The following TASP1 variants were observed in gnomAD, a reference collection of about 807,000 sequenced individuals.
TASP1 encodes taspase 1.
Under a neutral mutation model 56.6 loss-of-function variants are expected in TASP1, and 16 were observed. The ratio of observed to expected loss-of-function variants is 0.28; its 90% CI spans 0.19 to 0.43. The LOEUF (loss-of-function observed/expected upper bound fraction) is 0.43, where lower values mean the gene tolerates loss of function less well. Among genes scored for constraint, TASP1 ranks in the 20% least tolerant of loss-of-function variants. The pLI, the probability that TASP1 is intolerant of heterozygous loss-of-function variation, is 1.00. For missense variants in TASP1, 393 were observed against 511.6 expected (o/e 0.77, Z 2.24); for synonymous variants, 179 against 184.2 (o/e 0.97, Z 0.23).
At position 13,417,516 on chromosome 20, in the gene TASP1, A is replaced by T. The variant is rs374350452; in HGVS notation, c.1102T>A (p.Phe368Ile). The change falls in exon 13 of 14, where the codon TTT becomes ATT. Residue 368 changes from phenylalanine to isoleucine, a missense_variant. Physicochemically the swap from Phe to Ile is conservative, Grantham distance 21. Coordinates refer to ENST00000337743, the MANE Select transcript of TASP1 (RefSeq NM_017714.3). ...SQNKQTLLVE[F>I]LWSHTTESMC... ...CTCTCCGTCGTGTGGCTCCACAGAA[A>T]TTCCACTGCCATAAAAGAGAACACA... 6.2e-7 allele frequency: 1 copy of T among 1,614,018 alleles called. No individual in the cohort carries two copies. Among genetic ancestry groups the T allele is most frequent in the Non-Finnish European group, 8.5e-7 (1 of 1,180,004 alleles).
the TASP1 span, among the ~76,000 whole-genome samples, chr20:13,362,219 T>G: frequency 2.7e-5 from 4 of 150,738 alleles, no homozygotes; most frequent in Non-Finnish European, 2.9e-5. Flanking sequence ...ATTTTTCTTA[T>G]TAATATAAGA....
the TASP1 span, among the ~76,000 whole-genome samples, chr20:13,252,893 A>G: frequency 1.3e-5 from 2 of 152,122 alleles, no homozygotes; most frequent in African/African-American, 4.8e-5. Flanking sequence ...ACTGACAGAT[A>G]ATTTCTCCTC....
At chr20:13,569,075 T>A (rs577048770) in intron 7 of TASP1, among the ~76,000 whole-genome samples, 1 of 152,136 alleles carries the variant, frequency 6.6e-6, no homozygotes, top group African/African-American at 2.4e-5. Context: ...TTGTGATAAC[T>A]GTTTTTCAGT....
chr20:13,188,104 G>C, the TASP1 span, among the ~76,000 whole-genome samples: 1 of 152,084 alleles, frequency 6.6e-6, no homozygotes, highest in African/African-American at 2.4e-5. Context: ...TCAGATCAAA[G>C]GAGGAAAAAT....
chr20:13,455,288 C>T (rs1357330777), intron 11 of TASP1, among the ~76,000 whole-genome samples: 1 of 152,096 alleles, frequency 6.6e-6, no homozygotes, highest in Non-Finnish European at 1.5e-5. Flanking sequence ...AGAATTAATA[C>T]AGGGGGTCTT....
At chr20:13,431,439 G>C (rs1019614119) in intron 12 of TASP1, among the ~76,000 whole-genome samples, 1 of 152,154 alleles carries the variant, frequency 6.6e-6, no homozygotes, top group African/African-American at 2.4e-5. Context: ...TGCTTCTAGG[G>C]TATGCAGTGA....
intron 11 of TASP1, among the ~76,000 whole-genome samples, chr20:13,475,206 T>C (rs1024552055): frequency 1.3e-5 from 2 of 152,172 alleles, no homozygotes; most frequent in African/African-American, 4.8e-5. Flanking sequence ...GTATAATTAA[T>C]GTTTGATTTT....
At chr20:13,545,654 TAA>T (rs67355680) in intron 8 of TASP1, among the ~76,000 whole-genome samples, 5 of 152,132 alleles carry the variant, frequency 3.3e-5, no homozygotes, top group Admixed American at 2.6e-4. Flanking sequence ...CATTTTTTTT[TAA>T]AATATCTTAC....
chr20:13,195,163 A>G, the TASP1 span, among the ~76,000 whole-genome samples: 1 of 152,172 alleles, frequency 6.6e-6, no homozygotes, highest in East Asian at 1.9e-4. Context: ...AAAAACCACA[A>G]TTACTTTTGC....
the TASP1 span, among the ~76,000 whole-genome samples, chr20:13,233,683 C>T: frequency 6.6e-6 from 1 of 151,718 alleles, no homozygotes; most frequent in Non-Finnish European, 1.5e-5. Flanking sequence ...ACCTTCTGGG[C>T]ACATGGGACA....
the TASP1 span, among the ~76,000 whole-genome samples, chr20:13,342,746 T>G: frequency 6.6e-6 from 1 of 152,296 alleles, no homozygotes; most frequent in Non-Finnish European, 1.5e-5. Flanking sequence ...GCAAAGGGCC[T>G]TGGAGTGCCT....
the TASP1 span, among the ~76,000 whole-genome samples, chr20:13,147,819 G>A: frequency 1.1e-4 from 16 of 152,314 alleles, no homozygotes; most frequent in Admixed American, 7.8e-4. Context: ...TTGAAGGAGG[G>A]AATGAGCTGG....
the TASP1 span, among the ~76,000 whole-genome samples, chr20:13,319,394 A>G: frequency 2.0e-5 from 3 of 152,184 alleles, no homozygotes; most frequent in African/African-American, 7.2e-5. Context: ...CAGAGCTCAG[A>G]GACACAGGAC....
chr20:13,615,037 A>C (rs1249224724), intron 4 of TASP1, among the ~76,000 whole-genome samples: 1 of 152,184 alleles, frequency 6.6e-6, no homozygotes, highest in Non-Finnish European at 1.5e-5. Context: ...GAATTATAAT[A>C]ATTTAAACCA....
intron 11 of TASP1, among the ~76,000 whole-genome samples, chr20:13,478,480 A>C (rs959116256): frequency 1.9e-4 from 29 of 152,190 alleles, no homozygotes; most frequent in Admixed American, 1.3e-4. Flanking sequence ...ACAGGAAGTC[A>C]AATACCAAAT....
At chr20:13,351,512 G>A in the TASP1 span, among the ~76,000 whole-genome samples, 19 of 152,192 alleles carry the variant, frequency 1.2e-4, no homozygotes, top group Admixed American at 7.9e-4. Context: ...AAAGGCATTC[G>A]CTGCATAAAA....
chr20:13,207,377 G>A, the TASP1 span, among the ~76,000 whole-genome samples: 7 of 152,152 alleles, frequency 4.6e-5, no homozygotes, highest in Non-Finnish European at 1.0e-4. Context: ...TGTATTAATC[G>A]GGTCCTCCAG....
At chr20:13,481,097 C>T (rs968763655) in intron 11 of TASP1, among the ~76,000 whole-genome samples, 2 of 151,992 alleles carry the variant, frequency 1.3e-5, no homozygotes, top group African/African-American at 2.4e-5. Context: ...CCACCTCCCG[C>T]CAAGTCCTCC....
intron 9 of TASP1, 27 bp downstream of exon 9, chr20:13,533,995 T>C: frequency 1.3e-6 from 2 of 1,589,524 alleles, no homozygotes; most frequent in Non-Finnish European, 1.7e-6. Flanking sequence ...TTTGAAAGGC[T>C]AGTTTAAAAA....
Sources: gnomAD v4.1 joint callset for allele counts (sites outside exome capture counted in the v4.1 genomes callset) on GRCh38, gnomAD v4.1.1 for gene constraint, MANE v1.5 for transcripts, NCBI Gene and HGNC (gene_info 2026-07-23, HGNC 2026-07-21) for gene names.